The following AGT variants were observed in gnomAD, a reference collection of about 807,000 sequenced individuals.
AGT encodes the protein angiotensinogen.
Under a neutral mutation model 28.1 loss-of-function variants are expected in AGT, and 26 were observed. That is an observed-to-expected ratio of 0.92 (90% CI 0.68 to 1.28). The LOEUF is 1.28. AGT is among the 50% of genes most tolerant of loss of function. The probability of loss-of-function intolerance (pLI) is 0.00; values close to 1 mark genes in which losing one functional copy is unlikely to be tolerated. For missense variants in AGT, 596 were observed against 592.3 expected (o/e 1.01, Z -0.06); for synonymous variants, 259 against 259.6 (o/e 1.00, Z 0.02).
At chr1:230,704,156 G>A (rs776735704) in intron 4 of AGT, 37 bp downstream of exon 4, 8 of 1,614,134 alleles carry the variant, frequency 5.0e-6, no homozygotes, top group Non-Finnish European at 5.9e-6. Context: ...TGCACACTTG[G>A]AACCCAGGTC....
chr1:230,712,957 G>A (rs755235244), intron 1 of AGT, among the ~76,000 whole-genome samples: 3 of 152,136 alleles, frequency 2.0e-5, no homozygotes, highest in African/African-American at 7.2e-5. Context: ...TGAAGATGAC[G>A]GCTCATGCTC....
chr1:230,734,773 AATCTCGGCTCACTGCAAG>A lies in AGT; in HGVS notation c.-31+10724_-31+10741del, dbSNP rs1303086819. Among the ~76,000 whole-genome samples the A allele has an allele frequency of 2.0e-5, 3 of 151,898 alleles. No individual in the cohort carries two copies. In the East Asian group the frequency reaches 5.8e-4, roughly 29 times the overall value. ...CGCCCAGGCTGGAGTGCAGTGGTGCAATCTCGGCTCACTGCAAGCTCCACCTCCCGGGTTCATGCCACT... is the reference window on the plus strand; with the variant it reads ...CGCCCAGGCTGGAGTGCAGTGGTGCACTCCACCTCCCGGGTTCATGCCACT... On this transcript the variant is annotated intron_variant, in intron 1 of 4. Coordinates refer to the AGT transcript ENST00000681269.
chr1:230,740,377 C>T (rs562535182), intron 1 of AGT, among the ~76,000 whole-genome samples: 8 of 152,186 alleles, frequency 5.3e-5, no homozygotes, highest in South Asian at 2.1e-4. Context: ...TGACTAAGAA[C>T]GCCTAACCTC....
chr1:230,718,594 TAA>T (rs56906111), upstream of AGT, among the ~76,000 whole-genome samples: 30,044 of 148,088 alleles, frequency 0.2, 4,083 homozygotes, highest in East Asian at 0.49. Context: ...ATATTCACTT[TAA>T]AAAAAAAAAA....
chr1:230,736,819 G>A (rs915416485), intron 1 of AGT, among the ~76,000 whole-genome samples: 10 of 152,074 alleles, frequency 6.6e-5, no homozygotes, highest in African/African-American at 2.4e-4. Flanking sequence ...GGGTAGAGGT[G>A]GTCACAACTG....
chr1:230,737,398 G>A (rs1664175733), intron 1 of AGT, among the ~76,000 whole-genome samples: 1 of 152,066 alleles, frequency 6.6e-6, no homozygotes, highest in Non-Finnish European at 1.5e-5. Flanking sequence ...TGCAACCTCT[G>A]CCTCCCAGGT....
intron 1 of AGT, among the ~76,000 whole-genome samples, chr1:230,743,478 C>T (rs1271469953): frequency 1.3e-5 from 2 of 152,234 alleles, no homozygotes; most frequent in African/African-American, 4.8e-5. Flanking sequence ...TGCCTTCACT[C>T]TGGTTACATC....
intron 1 of AGT, among the ~76,000 whole-genome samples, chr1:230,722,555 A>C (rs983226686): frequency 6.6e-6 from 1 of 152,240 alleles, no homozygotes; most frequent in Non-Finnish European, 1.5e-5. Context: ...TGTGCCCTGC[A>C]AAACCACAGG....
intron 1 of AGT, among the ~76,000 whole-genome samples, chr1:230,732,185 GA>G (rs538192817): frequency 8.4e-4 from 128 of 152,244 alleles, no homozygotes; most frequent in Non-Finnish European, 1.5e-3. Context: ...TTTGTTTGTA[GA>G]GACAGAGTTT....
intron 1 of AGT, among the ~76,000 whole-genome samples, chr1:230,731,622 T>G (rs1472387350): frequency 1.3e-5 from 2 of 152,122 alleles, no homozygotes; most frequent in Non-Finnish European, 2.9e-5. Context: ...TCCCAACACT[T>G]TGGGAGGCCA....
At chr1:230,706,991 C>T (rs974249388) in intron 2 of AGT, among the ~76,000 whole-genome samples, 3 of 152,178 alleles carry the variant, frequency 2.0e-5, no homozygotes, top group Non-Finnish European at 2.9e-5. Context: ...GAGTGGGCCA[C>T]GCAGGCCCCG....
upstream of AGT, chr1:230,714,129 C>G (rs1663674803): frequency 6.6e-6 from 1 of 152,256 alleles, no homozygotes; most frequent in African/African-American, 2.4e-5. Context: ...CTTCCCCCGG[C>G]CGGGTCACGA....
chr1:230,729,218 G>T (rs1348435611), intron 1 of AGT, among the ~76,000 whole-genome samples: 1 of 152,114 alleles, frequency 6.6e-6, no homozygotes, highest in Non-Finnish European at 1.5e-5. Flanking sequence ...ACTTTCATCC[G>T]CACTCAGCAA....
chr1:230,719,379 ATTT>A (rs1260529638), upstream of AGT, among the ~76,000 whole-genome samples: 3 of 133,312 alleles, frequency 2.3e-5, no homozygotes, highest in African/African-American at 5.9e-5. Context: ...ATTTCTTTCT[ATTT>A]TTTATTATTA....
Position 230,734,921 on chromosome 1 carries a change from G to A in AGT, c.-31+10594C>T, listed in dbSNP as rs188985159. On this transcript the variant is annotated intron_variant, in intron 1 of 4. Transcript: ENST00000681269. ...AGTAGAGACAGGGTTTCACCATGTTGGCCAGGATGGTCTCGATCTCCTGAC... is the reference window on the plus strand; with the variant it reads ...AGTAGAGACAGGGTTTCACCATGTTAGCCAGGATGGTCTCGATCTCCTGAC... 6.1e-3 allele frequency among the ~76,000 whole-genome samples: 932 copies of A among 151,758 alleles called. 2 individuals carry two copies. Among genetic ancestry groups the A allele is most frequent in the African/African-American group, 0.014 (597 of 41,312 alleles).
chr1:230,709,576 T>C (rs1187643754), intron 2 of AGT, among the ~76,000 whole-genome samples: 3 of 152,138 alleles, frequency 2.0e-5, no homozygotes, highest in Non-Finnish European at 4.4e-5. Context: ...TCTCAAGAGA[T>C]ATGAACCTGA....
intron 4 of AGT, among the ~76,000 whole-genome samples, chr1:230,703,871 A>G (rs1663300745): frequency 6.6e-6 from 1 of 152,152 alleles, no homozygotes; most frequent in Admixed American, 6.5e-5. Context: ...CACCAGGTCC[A>G]GGGGTGCTTG....
In AGT at chr1:230,702,812, A is replaced by G. The variant is rs2102784158; in HGVS notation, c.*329T>C. 3.2e-6 allele frequency: 1 copy of G among 314,812 alleles called. No individual in the cohort carries two copies. Among genetic ancestry groups the G allele is most frequent in the East Asian group, 5.8e-5 (1 of 17,164 alleles). The allele number at this position is 314,812 out of a possible 1,614,324, so 19.5% of individuals were successfully genotyped here. On this transcript the variant is annotated 3_prime_UTR_variant, in exon 5 of 5. Transcript: ENST00000366667. ...AAGGGAACACTTTTTTGTTTCACAAACAAGCTGGTCGGTTGGAATTCTTTT... is the reference window on the plus strand; with the variant it reads ...AAGGGAACACTTTTTTGTTTCACAAGCAAGCTGGTCGGTTGGAATTCTTTT...
At chr1:230,728,848 C>G (rs1474315498) in intron 1 of AGT, among the ~76,000 whole-genome samples, 1 of 152,198 alleles carries the variant, frequency 6.6e-6, no homozygotes, top group Admixed American at 6.5e-5. Flanking sequence ...ACCTTATACT[C>G]CCTGCAATCC....
Sources: gnomAD v4.1 joint callset for allele counts (sites outside exome capture counted in the v4.1 genomes callset) on GRCh38, gnomAD v4.1.1 for gene constraint, MANE v1.5 for transcripts, NCBI Gene and HGNC (gene_info 2026-07-23, HGNC 2026-07-21) for gene names.